The following ARL15 variants were observed in gnomAD, a reference collection of about 807,000 sequenced individuals.
ARL15 encodes ARF like GTPase 15, also known as ADP-ribosylation factor-like protein 15.
A neutral mutation model predicts 25.2 loss-of-function variants in ARL15; 19 were observed. That is an observed-to-expected ratio of 0.75 (90% CI 0.53 to 1.10). ARL15 has a LOEUF of 1.10. Among genes scored for constraint, ARL15 ranks in the 50% least tolerant of loss-of-function variants. ARL15 has a pLI of 0.00. For missense variants in ARL15, 220 were observed against 246.0 expected (o/e 0.89, Z 0.71); for synonymous variants, 94 against 86.8 (o/e 1.08, Z -0.46).
At chr5:53,963,848 CATACACAG>C (rs1174405630) in intron 4 of ARL15, among the ~76,000 whole-genome samples, 4 of 134,192 alleles carry the variant, frequency 3.0e-5, no homozygotes, top group African/African-American at 1.1e-4. Flanking sequence ...CACACACACA[CATACACAG>C]AGTAACTTGA....
intron 4 of ARL15, among the ~76,000 whole-genome samples, chr5:53,957,768 G>A (rs1258583597): frequency 6.6e-6 from 1 of 152,204 alleles, no homozygotes; most frequent in Non-Finnish European, 1.5e-5. Context: ...AGGCTGCAAT[G>A]AGCCATGATT....
chr5:54,173,185 G>GAAAAA (rs551489130), intron 1 of ARL15, among the ~76,000 whole-genome samples: 1 of 121,008 alleles, frequency 8.3e-6, no homozygotes. Context: ...CTCCATCTCA[G>GAAAAA]AAAAAAAAAA....
intron 1 of ARL15, among the ~76,000 whole-genome samples, chr5:54,309,968 G>C (rs1384680083): frequency 6.6e-6 from 1 of 152,236 alleles, no homozygotes; most frequent in Non-Finnish European, 1.5e-5. Context: ...TAGCTTTAGA[G>C]ATTTAATAAC....
intron 4 of ARL15, among the ~76,000 whole-genome samples, chr5:53,987,446 A>T (rs1285569364): frequency 6.7e-6 from 1 of 148,566 alleles, no homozygotes; most frequent in Admixed American, 6.9e-5. Context: ...TAAGCTTTTA[A>T]TTGGGCTTCC....
At chr5:54,010,036 C>T (rs909677542) in intron 4 of ARL15, among the ~76,000 whole-genome samples, 26 of 152,078 alleles carry the variant, frequency 1.7e-4, no homozygotes, top group Admixed American at 1.6e-3. Flanking sequence ...CACATAAGGC[C>T]ACAAAGAAAG....
At chr5:54,077,194 T>C (rs958240176) in intron 4 of ARL15, among the ~76,000 whole-genome samples, 2 of 152,180 alleles carry the variant, frequency 1.3e-5, no homozygotes, top group African/African-American at 2.4e-5. Context: ...GGATGAAGGA[T>C]GATATCTTCT....
chr5:54,117,885 C>G (rs577557661), intron 3 of ARL15, among the ~76,000 whole-genome samples: 57 of 152,228 alleles, frequency 3.7e-4, no homozygotes, highest in African/African-American at 1.3e-3. Context: ...TTTTAGAAAA[C>G]TTATTTCTGC....
rs1174228455 is a variant in ARL15 at position 54,214,750 on chromosome 5, GTCATATTTATTTATTTATTTTAAACCC to G, written c.49-42849_49-42823del. Among the ~76,000 whole-genome samples the G allele has an allele frequency of 7.2e-5, 11 of 152,182 alleles. 1 individual carries two copies. In the East Asian group the frequency reaches 1.5e-3, roughly 21 times the overall value. ...TGATTGAGAACTTAAGAAGGTTTGG[GTCATATTTATTTATTTATTTTAAACCC>G]TCATGTCTCTCACTTTCCTTGCAGG... On this transcript the variant is annotated intron_variant, in intron 1 of 4. Coordinates refer to ENST00000504924, the MANE Select transcript of ARL15 (RefSeq NM_019087.3).
intron 3 of ARL15, among the ~76,000 whole-genome samples, chr5:54,133,156 A>C (rs1753488017): frequency 6.6e-6 from 1 of 152,212 alleles, no homozygotes; most frequent in Admixed American, 6.5e-5. Context: ...TAAACTTTTA[A>C]AAGAAAATCA....
intron 4 of ARL15, among the ~76,000 whole-genome samples, chr5:53,910,384 G>A (rs545614311): frequency 1.3e-5 from 2 of 151,712 alleles, no homozygotes; most frequent in Non-Finnish European, 2.9e-5. Flanking sequence ...TCAATACTAG[G>A]GTCTCAACAT....
intron 4 of ARL15, among the ~76,000 whole-genome samples, chr5:53,896,158 C>T (rs906291953): frequency 1.6e-4 from 24 of 151,982 alleles, no homozygotes; most frequent in Admixed American, 1.4e-3. Flanking sequence ...CTCAGCCAAC[C>T]GAGTAGCTGG....
intron 1 of ARL15, among the ~76,000 whole-genome samples, chr5:54,184,261 CAAAAAAAAA>C (rs201681698): frequency 8.5e-6 from 1 of 117,054 alleles, no homozygotes; most frequent in Non-Finnish European, 1.7e-5. Context: ...AAAAAAAAAT[CAAAAAAAAA>C]AAAAAAAAAG....
intron 4 of ARL15, among the ~76,000 whole-genome samples, chr5:53,894,963 A>G (rs890730517): frequency 6.6e-6 from 1 of 152,226 alleles, no homozygotes; most frequent in Admixed American, 6.5e-5. Flanking sequence ...AAATTTTATT[A>G]GAACTCAGCA....
chr5:54,145,621 TGTGTGCGTGC>T (rs1401433167), intron 3 of ARL15, among the ~76,000 whole-genome samples: 2 of 152,092 alleles, frequency 1.3e-5, no homozygotes, highest in Non-Finnish European at 2.9e-5. Context: ...TGTGTGTGTG[TGTGTGCGTGC>T]GTGTGTGTGT....
intron 4 of ARL15, among the ~76,000 whole-genome samples, chr5:54,052,629 T>A (rs1475633982): frequency 1.3e-5 from 2 of 152,156 alleles, no homozygotes; most frequent in African/African-American, 2.4e-5. Flanking sequence ...GCTAGAATGA[T>A]CCTTATGGGA....
At chr5:54,289,257 G>A (rs1758261097) in intron 1 of ARL15, among the ~76,000 whole-genome samples, 2 of 151,952 alleles carry the variant, frequency 1.3e-5, no homozygotes, top group African/African-American at 4.8e-5. Context: ...GCTGGGGACG[G>A]AACAGTGAGA....
chr5:54,146,187 A>ACTG, intron 3 of ARL15, among the ~76,000 whole-genome samples: 1 of 152,082 alleles, frequency 6.6e-6, no homozygotes, highest in Non-Finnish European at 1.5e-5. Flanking sequence ...TTTGAGACTT[A>ACTG]TCCAAATGTT....
At chr5:53,936,266 T>G (rs999407496) in intron 4 of ARL15, among the ~76,000 whole-genome samples, 12 of 152,188 alleles carry the variant, frequency 7.9e-5, no homozygotes, top group African/African-American at 2.9e-4. Flanking sequence ...GTACTTTATG[T>G]TTTTTGTGCA....
chr5:54,292,553 A>G (rs1034335447), intron 1 of ARL15, among the ~76,000 whole-genome samples: 11 of 152,156 alleles, frequency 7.2e-5, no homozygotes, highest in African/African-American at 2.7e-4. Flanking sequence ...TCAGATGAAC[A>G]GTTTGCATTT....
Sources: gnomAD v4.1 joint callset for allele counts (sites outside exome capture counted in the v4.1 genomes callset) on GRCh38, gnomAD v4.1.1 for gene constraint, MANE v1.5 for transcripts, NCBI Gene and HGNC (gene_info 2026-07-23, HGNC 2026-07-21) for gene names.